The following TTC7A variants were observed in gnomAD, a reference collection of about 807,000 sequenced individuals.
The protein encoded by TTC7A is tetratricopeptide repeat protein 7A.
In TTC7A, 110 loss-of-function variants were observed where a neutral mutation model predicts 103.7. The observed-to-expected ratio is 1.06, with a 90% CI of 0.91 to 1.24. The LOEUF (loss-of-function observed/expected upper bound fraction) is 1.24, where lower values mean the gene tolerates loss of function less well. TTC7A is among the 50% of genes most tolerant of loss of function. The pLI is 0.00. For missense variants in TTC7A, 1,340 were observed against 1,116.3 expected (o/e 1.20, Z -2.86); for synonymous variants, 521 against 467.9 (o/e 1.11, Z -1.47).
upstream of TTC7A, among the ~76,000 whole-genome samples, chr2:46,939,139 A>G (rs912702227): frequency 6.6e-6 from 1 of 152,184 alleles, no homozygotes; most frequent in Non-Finnish European, 1.5e-5. Flanking sequence ...TAAAAATAAT[A>G]GTAAAATAAA....
chr2:46,969,980 G>A (rs953497841), intron 3 of TTC7A, among the ~76,000 whole-genome samples: 13 of 152,188 alleles, frequency 8.5e-5, no homozygotes, highest in Admixed American at 2.6e-4. Context: ...CAGAGAAGAG[G>A]TGGCTTTGCT....
chr2:47,049,536 T>C (rs1221167486), intron 16 of TTC7A, among the ~76,000 whole-genome samples: 1 of 151,966 alleles, frequency 6.6e-6, no homozygotes, highest in Non-Finnish European at 1.5e-5. Flanking sequence ...CCGGGCCCTT[T>C]TTCCATAGGG....
chr2:46,938,377 C>T (rs922370238), upstream of TTC7A, among the ~76,000 whole-genome samples: 3 of 151,950 alleles, frequency 2.0e-5, no homozygotes, highest in Non-Finnish European at 2.9e-5. Flanking sequence ...TTGGGTCATA[C>T]GCCTATCTAA....
chr2:46,972,483 C>CGG (rs1362767520), intron 3 of TTC7A, among the ~76,000 whole-genome samples: 1 of 152,180 alleles, frequency 6.6e-6, no homozygotes, highest in Non-Finnish European at 1.5e-5. Flanking sequence ...CAGGTTTTCT[C>CGG]TAACATTTCT....
chr2:46,975,045 T>C lies in TTC7A; in HGVS notation c.590T>C (p.Ile197Thr), dbSNP rs780816569. The change falls in exon 4 of 20, where the codon ATC (isoleucine) becomes ACC (threonine). Residue 197 changes from isoleucine (I) to threonine (T), a missense_variant. Physicochemically the swap from Ile to Thr is moderately conservative, Grantham distance 89. Transcript: ENST00000319190. The part of the protein sequence containing the change: ...FRLTEREEEV[I>T]TCFERASWIA... ...CTGACAGAGAGGGAGGAGGAAGTGA[T>C]CACCTGTTTTGAGAGGGCCTCCTGG... The C allele has an allele frequency of 1.1e-5, 17 of 1,614,036 alleles. No individual in the cohort carries two copies. Among genetic ancestry groups the C allele is most frequent in the Non-Finnish European group, 1.4e-5 (16 of 1,179,946 alleles).
chr2:47,040,183 C>G (rs1681579147), intron 15 of TTC7A, among the ~76,000 whole-genome samples: 1 of 152,238 alleles, frequency 6.6e-6, no homozygotes, highest in Admixed American at 6.5e-5. Context: ...CTTCTGTCTG[C>G]ACTGGGCTCC....
At chr2:46,936,288 C>A (rs999512252), upstream of TTC7A, among the ~76,000 whole-genome samples, 5 of 152,078 alleles carry the variant, frequency 3.3e-5, no homozygotes, top group Admixed American at 2.6e-4. Context: ...TTTTGTTGTG[C>A]ATCTGTAAGA....
At chr2:47,068,860 T>C (rs1047268960) in intron 19 of TTC7A, among the ~76,000 whole-genome samples, 1 of 87,748 alleles carries the variant, frequency 1.1e-5, no homozygotes, top group African/African-American at 5.2e-5. Flanking sequence ...AATCAATTTT[T>C]TCAAAAAAAA....
chr2:47,010,773 C>T (rs750905146), intron 10 of TTC7A, among the ~76,000 whole-genome samples: 3 of 152,188 alleles, frequency 2.0e-5, no homozygotes, highest in Non-Finnish European at 4.4e-5. Flanking sequence ...AATCTCGGCT[C>T]ACTGCAACTT....
intron 8 of TTC7A, among the ~76,000 whole-genome samples, chr2:47,000,255 TAAA>T (rs58720701): frequency 1.4e-5 from 2 of 142,248 alleles, no homozygotes; most frequent in Non-Finnish European, 3.1e-5. Context: ...GCCATTCAGT[TAAA>T]AAAAAAAAAA....
intron 19 of TTC7A, chr2:47,068,507 T>A (rs535455218): frequency 6.6e-6 from 1 of 152,060 alleles, no homozygotes; most frequent in South Asian, 2.1e-4. Context: ...GATGATTTTA[T>A]TGTGAGCTTT....
At chr2:46,947,399 A>G (rs1244507472) in intron 1 of TTC7A, among the ~76,000 whole-genome samples, 1 of 152,178 alleles carries the variant, frequency 6.6e-6, no homozygotes, top group Non-Finnish European at 1.5e-5. Context: ...ATATGTGGTG[A>G]AGGATCAATT....
chr2:46,964,919 G>A (rs749956411), intron 3 of TTC7A, among the ~76,000 whole-genome samples: 34 of 152,164 alleles, frequency 2.2e-4, no homozygotes, highest in Non-Finnish European at 3.5e-4. Context: ...TGGAGCACAG[G>A]CCCCTTGAGA....
intron 8 of TTC7A, among the ~76,000 whole-genome samples, chr2:47,004,069 C>T (rs573754754): frequency 7.6e-4 from 116 of 152,340 alleles, no homozygotes; most frequent in Non-Finnish European, 1.2e-3. Context: ...CTCCTTCAAC[C>T]CTTTGGAGCT....
chr2:46,941,379 C>A lies in TTC7A; in HGVS notation c.-163C>A. On this transcript the variant is annotated 5_prime_UTR_variant, in exon 1 of 20. The change creates a new upstream start codon in the 5' untranslated region. Transcript: ENST00000319190. The surrounding 1 kb of genome is among the most constrained non-coding windows in gnomAD (Gnocchi z 4.2). ...GGAGCTGCTGGTGCTGCTGCTGCTGCTGCTGCCCACCCTCCGCCGCCCGGG... is the reference window on the plus strand; with the variant it reads ...GGAGCTGCTGGTGCTGCTGCTGCTGATGCTGCCCACCCTCCGCCGCCCGGG... 2.1e-6 allele frequency: 1 copy of A among 480,944 alleles called. No homozygotes were observed. Among genetic ancestry groups the A allele is most frequent in the Non-Finnish European group, 3.0e-6 (1 of 335,978 alleles). 29.8% of individuals were successfully genotyped at this position (480,944 alleles called of 1,614,324 possible).
At chr2:47,039,394 A>T (rs1360061341) in intron 15 of TTC7A, among the ~76,000 whole-genome samples, 1 of 152,200 alleles carries the variant, frequency 6.6e-6, no homozygotes, top group Non-Finnish European at 1.5e-5. Context: ...TTCCCCCACC[A>T]GCAAGAGTGG....
chr2:47,067,868 G>C (rs1330239225), intron 19 of TTC7A: 2 of 152,122 alleles, frequency 1.3e-5, no homozygotes, highest in African/African-American at 4.8e-5. Context: ...TCTCGGGGGG[G>C]AGTGGAAACC....
chr2:47,067,343 C>T (rs1311080001), intron 19 of TTC7A, among the ~76,000 whole-genome samples: 1 of 152,240 alleles, frequency 6.6e-6, no homozygotes, highest in Non-Finnish European at 1.5e-5. Context: ...ACTATATTCA[C>T]ATAGATGACT....
intron 2 of TTC7A, among the ~76,000 whole-genome samples, chr2:46,926,542 C>T (rs761227710): frequency 2.0e-5 from 3 of 152,010 alleles, no homozygotes; most frequent in Non-Finnish European, 4.4e-5. Context: ...GGACCACAGC[C>T]GAATGTCAAT....
Sources: allele counts gnomAD v4.1 joint callset (sites outside exome capture counted in the v4.1 genomes callset), GRCh38; gene constraint gnomAD v4.1.1; non-coding constraint Gnocchi (gnomAD v3.1); transcripts MANE v1.5; gene names NCBI Gene and HGNC (gene_info 2026-07-23, HGNC 2026-07-21).